PLAC8L1: variants seen among roughly 807,000 people sequenced by gnomAD.
The protein encoded by PLAC8L1 is PLAC8-like protein 1.
A neutral mutation model predicts 16.3 loss-of-function variants in PLAC8L1; 13 were observed. The observed-to-expected ratio is 0.80, with a 90% CI of 0.52 to 1.27. The LOEUF is 1.27. Among genes scored for constraint, PLAC8L1 ranks in the 50% most tolerant of loss-of-function variants. The probability of loss-of-function intolerance (pLI) is 0.00; values close to 1 mark genes in which losing one functional copy is unlikely to be tolerated. For missense variants in PLAC8L1, 184 were observed against 220.2 expected (o/e 0.84, Z 1.04); for synonymous variants, 78 against 79.3 (o/e 0.98, Z 0.09).
At chr5:146,086,414 T>A (rs1325863617) in intron 2 of PLAC8L1, among the ~76,000 whole-genome samples, 3 of 152,254 alleles carry the variant, frequency 2.0e-5, no homozygotes, top group African/African-American at 4.8e-5. Context: ...TTCAAATTTA[T>A]GTTAGTGTCT....
At chr5:146,095,490 A>C (rs1763702590) in intron 2 of PLAC8L1, among the ~76,000 whole-genome samples, 1 of 152,202 alleles carries the variant, frequency 6.6e-6, no homozygotes, top group Admixed American at 6.5e-5. Flanking sequence ...AGGTGCTCTT[A>C]GGATTATGTA....
In PLAC8L1 at chr5:146,105,113, C is replaced by A. The variant is rs1763888877; in HGVS notation, c.-802G>T. 6.6e-6 allele frequency among the ~76,000 whole-genome samples: 1 copy of A among 152,076 alleles called. No individual in the cohort carries two copies. The highest frequency in any genetic ancestry group is 2.4e-5 in the African/African-American group (1 of 41,406). ...GGACCCTAGAAATATTAGGAAATATCCTAAGACAAAAAATTAGGCAAAATT... is the reference window on the plus strand; with the variant it reads ...GGACCCTAGAAATATTAGGAAATATACTAAGACAAAAAATTAGGCAAAATT... On this transcript the variant is annotated 5_prime_UTR_variant, in exon 1 of 4. Transcript: ENST00000311450.
intron 2 of PLAC8L1, among the ~76,000 whole-genome samples, chr5:146,091,984 G>T (rs1763627494): frequency 6.6e-6 from 1 of 152,174 alleles, no homozygotes; most frequent in Non-Finnish European, 1.5e-5. Context: ...TGGTGGTTAT[G>T]TAAGCACGCA....
chr5:146,085,172 C>T (rs1349624140), intron 3 of PLAC8L1, among the ~76,000 whole-genome samples: 2 of 152,068 alleles, frequency 1.3e-5, no homozygotes, highest in Non-Finnish European at 2.9e-5. Context: ...AATCGCAGCA[C>T]TTTGGGAGCC....
chr5:146,092,868 A>C (rs1763644905), intron 2 of PLAC8L1, among the ~76,000 whole-genome samples: 1 of 151,868 alleles, frequency 6.6e-6, no homozygotes, highest in Non-Finnish European at 1.5e-5. Flanking sequence ...TTAGCTCCAG[A>C]TATGTTGATA....
intron 3 of PLAC8L1, 71 bp from the exon 4 acceptor site, chr5:146,084,643 ATG>A: frequency 1.3e-6 from 2 of 1,571,834 alleles, no homozygotes; most frequent in Middle Eastern, 4.6e-4. Flanking sequence ...GTCCTGTACA[ATG>A]TTACCTCCTG....
rs1763497954 is a variant in PLAC8L1 at position 146,085,602 on chromosome 5, CAAT to C, written c.257-8_257-6del. On this transcript the variant is annotated splice_polypyrimidine_tract_variant and splice_region_variant and intron_variant, in intron 2 of 3. Coordinates refer to ENST00000311450, the MANE Select transcript of PLAC8L1 (RefSeq NM_001029869.3). ...GACAGAATAGACCACAGAAACCTGT[CAAT>C]AACCACATCCAAAAAGCCAAGGTTC... is the stretch of plus-strand genomic sequence containing the variant. The C allele has an allele frequency of 6.2e-7, 1 of 1,601,018 alleles. No individual in the cohort carries two copies. The highest frequency in any genetic ancestry group is 8.5e-7 in the Non-Finnish European group (1 of 1,173,020).
intron 1 of PLAC8L1, among the ~76,000 whole-genome samples, chr5:146,100,066 C>A (rs1337019739): frequency 6.6e-6 from 1 of 152,162 alleles, no homozygotes; most frequent in Non-Finnish European, 1.5e-5. Context: ...AATTTTTAAG[C>A]ACTCATGCCA....
In PLAC8L1 at chr5:146,098,202, C is replaced by G. The variant is rs907196302; in HGVS notation, c.210G>C (p.Gly70=). The G allele has an allele frequency of 3.1e-6, 5 of 1,614,064 alleles. No homozygotes were observed. The highest frequency in any genetic ancestry group is 3.3e-5 in the Admixed American group (2 of 60,000). The change falls in exon 2 of 4, where the codon GGG becomes GGC. Residue 70 remains glycine, a synonymous_variant. Coordinates refer to ENST00000311450, the MANE Select transcript of PLAC8L1 (RefSeq NM_001029869.3). The part of the protein sequence containing the change: ...TTITAIVQTG[G]GWSTGLFSVC... ...CACTGAAGAGACCGGTGCTCCAGCC[C>G]CCGCCAGTCTGGACAATTGCTGTGA...
intron 3 of PLAC8L1, 66 bp from the exon 4 acceptor site, chr5:146,084,638 G>A: frequency 1.9e-6 from 3 of 1,584,510 alleles, no homozygotes; most frequent in Non-Finnish European, 2.6e-6. Flanking sequence ...CCAGGGTCCT[G>A]TACAATGTTA....
In PLAC8L1 at chr5:146,104,312, A is replaced by T; in HGVS notation, c.-1T>A. On this transcript the variant is annotated 5_prime_UTR_variant, in exon 1 of 4. Transcript: ENST00000311450. ...AGAAGTTACTTCCAAACCAATTCAT[A>T]GTGAGAAGTGTTTTCTTGTCCTTTG... is the stretch of plus-strand genomic sequence containing the variant. 1 of 1,600,496 alleles carries T rather than the reference A, an allele frequency of 6.2e-7. No individual in the cohort carries two copies. Among genetic ancestry groups the T allele is most frequent in the Non-Finnish European group, 8.6e-7 (1 of 1,167,624 alleles).
chr5:146,103,603 C>T (rs1480114287), intron 1 of PLAC8L1: 2 of 938,862 alleles, frequency 2.1e-6, no homozygotes, highest in Non-Finnish European at 2.5e-6. Context: ...GTTGGTGATC[C>T]TAACCCTCAG....
In PLAC8L1 at chr5:146,092,726, C is replaced by T. The variant is rs560866292; in HGVS notation, c.256+5430G>A. Among the ~76,000 whole-genome samples, 536 of 151,868 alleles carry T rather than the reference C, an allele frequency of 3.5e-3. 2 individuals carry two copies. Among genetic ancestry groups the T allele is most frequent in the African/African-American group, 0.013 (520 of 41,434 alleles). ...CTAATTTTTGTATTTTTAGTAGAGA[C>T]GGGGTTTCACCATGTTGGCCAGGCT... On this transcript the variant is annotated intron_variant, in intron 2 of 3. Transcript: ENST00000311450.
chr5:146,100,716 T>C (rs1427004846), intron 1 of PLAC8L1, among the ~76,000 whole-genome samples: 1 of 151,828 alleles, frequency 6.6e-6, no homozygotes, highest in African/African-American at 2.4e-5. Context: ...ATATAACAAA[T>C]GTATGGGTAT....
intron 1 of PLAC8L1, among the ~76,000 whole-genome samples, chr5:146,102,030 T>C (rs1302359966): frequency 6.6e-6 from 1 of 150,622 alleles, no homozygotes; most frequent in Non-Finnish European, 1.5e-5. Context: ...GTTTTTTTTC[T>C]GTGTTTACCC....
chr5:146,100,327 G>A (rs1297028187), intron 1 of PLAC8L1, among the ~76,000 whole-genome samples: 1 of 152,140 alleles, frequency 6.6e-6, no homozygotes, highest in Non-Finnish European at 1.5e-5. Flanking sequence ...CTGTCTGGAA[G>A]TATGAAGTGG....
At chr5:146,100,823 TG>T (rs1200002134) in intron 1 of PLAC8L1, among the ~76,000 whole-genome samples, 4 of 152,060 alleles carry the variant, frequency 2.6e-5, no homozygotes, top group African/African-American at 9.7e-5. Context: ...TAGCCCCCAG[TG>T]TGAATGTATT....
intron 1 of PLAC8L1, among the ~76,000 whole-genome samples, chr5:146,102,532 T>C (rs1469713012): frequency 1.3e-5 from 2 of 152,186 alleles, no homozygotes; most frequent in African/African-American, 4.8e-5. Context: ...CAGACTCAAG[T>C]AGCTCCTGTA....
intron 2 of PLAC8L1, among the ~76,000 whole-genome samples, chr5:146,089,999 G>C (rs1418859492): frequency 4.0e-5 from 6 of 151,850 alleles, no homozygotes; most frequent in African/African-American, 1.4e-4. Flanking sequence ...TCAGCCTCCA[G>C]AAGTGCTGGG....
Sources: gnomAD v4.1 joint callset for allele counts (sites outside exome capture counted in the v4.1 genomes callset) on GRCh38, gnomAD v4.1.1 for gene constraint, MANE v1.5 for transcripts, NCBI Gene and HGNC (gene_info 2026-07-23, HGNC 2026-07-21) for gene names.